COX7C: variants seen among roughly 807,000 people sequenced by gnomAD.
The protein encoded by COX7C is cytochrome c oxidase subunit 7C.
A neutral mutation model predicts 6.4 loss-of-function variants in COX7C; 1 was observed. The ratio of observed to expected loss-of-function variants is 0.16; its 90% CI spans 0.06 to 0.74. The LOEUF is 0.74. COX7C is among the 30% of genes least tolerant of loss of function. The pLI is 0.78. For missense variants in COX7C, 54 were observed against 73.7 expected, an observed-to-expected ratio of 0.73 and a Z score of 0.98; for synonymous variants, 24 against 28.9, an observed-to-expected ratio of 0.83 and a Z score of 0.54.
At chr5:86,618,273 C>T (rs1452285236) in intron 1 of COX7C, 143 bp downstream of exon 1, 3 of 743,218 alleles carry the variant, frequency 4.0e-6, no homozygotes, top group Non-Finnish European at 6.8e-6. Context: ...TCCACTTAGC[C>T]CAAGGACCAG....
chr5:86,618,593 G>A (rs1750051356), intron 1 of COX7C, among the ~76,000 whole-genome samples: 1 of 152,164 alleles, frequency 6.6e-6, no homozygotes, highest in Admixed American at 6.5e-5. Flanking sequence ...GGCCTCAGGT[G>A]TAAATAACTT....
In COX7C at chr5:86,618,109, C is replaced by T. The variant is rs772663435; in HGVS notation, c.54C>T (p.His18=). 1 of 1,614,100 alleles carries T rather than the reference C, an allele frequency of 6.2e-7. No individual in the cohort carries two copies. Among genetic ancestry groups the T allele is most frequent in the South Asian group, 1.1e-5 (1 of 91,078 alleles). ...CAACCTCTGTGGTCCGTAGGAGCCA[C>T]TATGAGGAGGGCCCTGGGAAGGTTA... ...RFTTSVVRRS[H]YEEGPGKNLP... The change falls in exon 1 of 3, where the codon CAC becomes CAT. Residue 18 remains histidine, a synonymous_variant. Transcript: ENST00000247655.
Position 86,620,716 on chromosome 5 carries a change from A to G in COX7C, c.*76A>G, listed in dbSNP as rs1354966798. On this transcript the variant is annotated 3_prime_UTR_variant, in exon 3 of 3. Transcript: ENST00000247655. ...GCAGCCTCTGGAAGTGGATCAAACTAGAACTCATATGCCATACTAGATATG... is the reference window on the plus strand; with the variant it reads ...GCAGCCTCTGGAAGTGGATCAAACTGGAACTCATATGCCATACTAGATATG... 1 of 400,724 alleles carries G rather than the reference A, an allele frequency of 2.5e-6. No homozygotes were observed. The allele number at this position is 400,724 out of a possible 1,614,324, so 24.8% of individuals were successfully genotyped here.
intron 2 of COX7C, chr5:86,619,737 A>G (rs1482116030): frequency 3.3e-6 from 1 of 307,436 alleles, no homozygotes; most frequent in African/African-American, 2.1e-5. Context: ...CATGTTCTCT[A>G]GCAAGCTTGT....
At chr5:86,618,994 G>A (rs200439068) in intron 1 of COX7C, among the ~76,000 whole-genome samples, 1,868 of 145,184 alleles carry the variant, frequency 0.013, 27 homozygotes, top group African/African-American at 0.043. Flanking sequence ...AAAAAAAAAA[G>A]AAAAAAAAAG....
intron 2 of COX7C, chr5:86,619,709 C>T (rs1002624077): frequency 1.0e-5 from 4 of 387,232 alleles, no homozygotes; most frequent in African/African-American, 6.0e-5. Context: ...TTATCAGGTA[C>T]ACTTTACATC....
intron 1 of COX7C, 35 bp downstream of exon 1, chr5:86,618,165 G>C: frequency 6.2e-7 from 1 of 1,604,616 alleles, no homozygotes; most frequent in Non-Finnish European, 8.5e-7. Context: ...CGTTGGGGGA[G>C]GGGGCGCTTG....
chr5:86,618,027 G>A lies in COX7C; in HGVS notation c.-29G>A, dbSNP rs1450390338. The A allele has an allele frequency of 6.2e-7, 1 of 1,611,580 alleles. No individual in the cohort carries two copies. The highest frequency in any genetic ancestry group is 8.5e-7 in the Non-Finnish European group (1 of 1,178,764). ...GCCATTTCATCTGTCCTCATTCTCTGCGCCTTTCGCAGAGCTTCCAGCAGC... is the reference window on the plus strand; with the variant it reads ...GCCATTTCATCTGTCCTCATTCTCTACGCCTTTCGCAGAGCTTCCAGCAGC... On this transcript the variant is annotated 5_prime_UTR_variant, in exon 1 of 3. Transcript: ENST00000247655.
At chr5:86,618,993 A>G (rs868183593) in intron 1 of COX7C, among the ~76,000 whole-genome samples, 1,786 of 151,250 alleles carry the variant, frequency 0.012, 24 homozygotes, top group African/African-American at 0.041. Flanking sequence ...AAAAAAAAAA[A>G]GAAAAAAAAA....
chr5:86,618,799 C>T (rs1445630049), intron 1 of COX7C, among the ~76,000 whole-genome samples: 1 of 151,798 alleles, frequency 6.6e-6, no homozygotes, highest in Non-Finnish European at 1.5e-5. Flanking sequence ...GCCAACATGG[C>T]GAAACCCTGT....
chr5:86,618,250 C>T, intron 1 of COX7C, 120 bp downstream of exon 1: 1 of 871,862 alleles, frequency 1.1e-6, no homozygotes. Flanking sequence ...CAGGCTGAGA[C>T]GCAGACTAGC....
chr5:86,618,047 A>G lies in COX7C; in HGVS notation c.-9A>G. The G allele has an allele frequency of 6.2e-7, 1 of 1,613,416 alleles. No individual in the cohort carries two copies. Among genetic ancestry groups the G allele is most frequent in the South Asian group, 1.1e-5 (1 of 91,022 alleles). On this transcript the variant is annotated 5_prime_UTR_variant, in exon 1 of 3. Coordinates refer to ENST00000247655, the MANE Select transcript of COX7C (RefSeq NM_001867.3). ...TCTCTGCGCCTTTCGCAGAGCTTCC[A>G]GCAGCGGTATGTTGGGCCAGAGCAT...
intron 1 of COX7C, among the ~76,000 whole-genome samples, chr5:86,618,805 C>T (rs991355555): frequency 6.6e-6 from 1 of 151,986 alleles, no homozygotes; most frequent in Non-Finnish European, 1.5e-5. Context: ...ATGGCGAAAC[C>T]CTGTCTCTAC....
chr5:86,619,150 A>G (rs1398955361), intron 1 of COX7C, among the ~76,000 whole-genome samples: 1 of 152,190 alleles, frequency 6.6e-6, no homozygotes, highest in African/African-American at 2.4e-5. Context: ...TAGTAAAGCC[A>G]GATTATTTCT....
chr5:86,618,372 C>T, intron 1 of COX7C: 1 of 494,080 alleles, frequency 2.0e-6, no homozygotes, highest in South Asian at 2.2e-5. Context: ...CCTGACGCCC[C>T]CTCCCCCGCC....
At position 86,618,023 on chromosome 5, in the gene COX7C, C is replaced by T; in HGVS notation, c.-33C>T. The T allele has an allele frequency of 6.2e-7, 1 of 1,610,014 alleles. No homozygotes were observed. The highest frequency in any genetic ancestry group is 8.5e-7 in the Non-Finnish European group (1 of 1,177,464). On this transcript the variant is annotated 5_prime_UTR_variant, in exon 1 of 3. Transcript: ENST00000247655. ...TGCCGCCATTTCATCTGTCCTCATTCTCTGCGCCTTTCGCAGAGCTTCCAG... is the reference window on the plus strand; with the variant it reads ...TGCCGCCATTTCATCTGTCCTCATTTTCTGCGCCTTTCGCAGAGCTTCCAG...
In COX7C at chr5:86,618,112, T is replaced by C. The variant is rs1750035469; in HGVS notation, c.57T>C (p.Tyr19=). 2 of 1,613,948 alleles carry C rather than the reference T, an allele frequency of 1.2e-6. No individual in the cohort carries two copies. ...CCTCTGTGGTCCGTAGGAGCCACTA[T>C]GAGGAGGGCCCTGGGAAGGTTAGTG... ...FTTSVVRRSH[Y]EEGPGKNLPF... Residue 19 remains tyrosine, a synonymous_variant, in exon 1 of 3, where the codon TAT becomes TAC. Coordinates refer to ENST00000247655, the MANE Select transcript of COX7C (RefSeq NM_001867.3).
chr5:86,619,785 T>C (rs1348114336), intron 2 of COX7C: 1 of 236,202 alleles, frequency 4.2e-6, no homozygotes, highest in East Asian at 8.9e-5. Context: ...GACACAGAGA[T>C]GTTAAGTTGT....
chr5:86,618,030 C>T lies in COX7C; in HGVS notation c.-26C>T. On this transcript the variant is annotated 5_prime_UTR_variant, in exon 1 of 3. Coordinates refer to ENST00000247655, the MANE Select transcript of COX7C (RefSeq NM_001867.3). ...ATTTCATCTGTCCTCATTCTCTGCGCCTTTCGCAGAGCTTCCAGCAGCGGT... is the reference window on the plus strand; with the variant it reads ...ATTTCATCTGTCCTCATTCTCTGCGTCTTTCGCAGAGCTTCCAGCAGCGGT... 2 of 1,611,036 alleles carry T rather than the reference C, an allele frequency of 1.2e-6. No homozygotes were observed. Among genetic ancestry groups the T allele is most frequent in the Non-Finnish European group, 1.7e-6 (2 of 1,178,172 alleles).
Sources: allele counts gnomAD v4.1 joint callset (sites outside exome capture counted in the v4.1 genomes callset), GRCh38; gene constraint gnomAD v4.1.1; transcripts MANE v1.5; gene names NCBI Gene and HGNC (gene_info 2026-07-23, HGNC 2026-07-21).